Variants in PTPRD observed in about 807,000 individuals in gnomAD.
PTPRD encodes the protein protein tyrosine phosphatase receptor type D, also known as receptor-type tyrosine-protein phosphatase delta.
A neutral mutation model predicts 214.5 loss-of-function variants in PTPRD; 34 were observed. That is an observed-to-expected ratio of 0.16 (90% CI 0.12 to 0.21). The LOEUF is 0.21. Among genes scored for constraint, PTPRD ranks in the 10% least tolerant of loss-of-function variants. The probability of loss-of-function intolerance (pLI) is 1.00; values close to 1 mark genes in which losing one functional copy is unlikely to be tolerated. For missense variants in PTPRD, 2,545 were observed against 2,398.7 expected (o/e 1.06, Z -1.27); for synonymous variants, 1,128 against 845.7 (o/e 1.33, Z -5.79).
intron 9 of PTPRD, among the ~76,000 whole-genome samples, chr9:9,379,311 T>C (rs1332834213): frequency 6.6e-6 from 1 of 151,154 alleles, no homozygotes; most frequent in African/African-American, 2.4e-5. Flanking sequence ...CTCCATTGTA[T>C]TGCCTTTTCT....
intron 2 of PTPRD, among the ~76,000 whole-genome samples, chr9:10,368,715 T>A (rs1455945495): frequency 1.3e-5 from 2 of 152,052 alleles, no homozygotes; most frequent in Non-Finnish European, 2.9e-5. Flanking sequence ...TCTAGCATAA[T>A]CTTTTCTTAA....
chr9:9,738,177 C>T (rs750382865), intron 6 of PTPRD, among the ~76,000 whole-genome samples: 77 of 152,076 alleles, frequency 5.1e-4, no homozygotes, highest in Admixed American at 5.2e-4. Flanking sequence ...GGGTGAGGCA[C>T]ACCAACGTGG....
intron 8 of PTPRD, among the ~76,000 whole-genome samples, chr9:9,475,430 G>T (rs183982085): frequency 6.6e-6 from 1 of 152,260 alleles, no homozygotes; most frequent in African/African-American, 2.4e-5. Flanking sequence ...CATTAGCTGT[G>T]ACATTTTCCA....
intron 7 of PTPRD, among the ~76,000 whole-genome samples, chr9:9,710,711 G>C (rs949875843): frequency 2.0e-5 from 3 of 151,686 alleles, no homozygotes; most frequent in African/African-American, 7.3e-5. Context: ...AAGGTATGAA[G>C]TACTATACTA....
intron 5 of PTPRD, among the ~76,000 whole-genome samples, chr9:9,901,509 T>G (rs957691546): frequency 6.6e-6 from 1 of 151,982 alleles, no homozygotes; most frequent in Non-Finnish European, 1.5e-5. Context: ...ATATTAAATA[T>G]CTAAGAATTA....
At chr9:8,853,411 T>C (rs1315791155) in intron 11 of PTPRD, among the ~76,000 whole-genome samples, 3 of 152,158 alleles carry the variant, frequency 2.0e-5, no homozygotes, top group African/African-American at 4.8e-5. Flanking sequence ...AATCCATTTT[T>C]ATTTTTTTAA....
chr9:9,786,865 C>T (rs571437357), intron 5 of PTPRD, among the ~76,000 whole-genome samples: 2 of 151,992 alleles, frequency 1.3e-5, no homozygotes, highest in Admixed American at 1.3e-4. Context: ...ATAAAATTGG[C>T]TGGGCACAGT....
chr9:9,390,196 A>T (rs1035046243), intron 9 of PTPRD, among the ~76,000 whole-genome samples: 3 of 152,102 alleles, frequency 2.0e-5, no homozygotes, highest in Non-Finnish European at 4.4e-5. Context: ...AGCAAGTGAA[A>T]GAGGAAGATG....
At chr9:10,564,662 G>T (rs923558284) in intron 2 of PTPRD, among the ~76,000 whole-genome samples, 1 of 151,880 alleles carries the variant, frequency 6.6e-6, no homozygotes, top group Non-Finnish European at 1.5e-5. Flanking sequence ...CAGACTCAGG[G>T]GCTCACCAAT....
At chr9:8,627,108 A>T (rs1169582057) in intron 14 of PTPRD, among the ~76,000 whole-genome samples, 1 of 151,734 alleles carries the variant, frequency 6.6e-6, no homozygotes. Context: ...CCTCACTCTC[A>T]CAGTGTATCA....
At chr9:8,702,898 C>T (rs966739897) in intron 12 of PTPRD, among the ~76,000 whole-genome samples, 2 of 152,160 alleles carry the variant, frequency 1.3e-5, no homozygotes, top group Admixed American at 6.5e-5. Context: ...TGAGCCACTG[C>T]GCCCGGCCAT....
chr9:10,281,158 A>G (rs545317149), intron 3 of PTPRD, among the ~76,000 whole-genome samples: 1 of 152,308 alleles, frequency 6.6e-6, no homozygotes, highest in African/African-American at 2.4e-5. Context: ...TGAGTAAATA[A>G]CAAATGAAAA....
chr9:9,383,180 T>C (rs1325101002), intron 9 of PTPRD, among the ~76,000 whole-genome samples: 1 of 152,068 alleles, frequency 6.6e-6, no homozygotes, highest in Non-Finnish European at 1.5e-5. Context: ...TTTGTGCTAT[T>C]ATATAACTTT....
chr9:8,935,741 A>T (rs1462860060), intron 11 of PTPRD, among the ~76,000 whole-genome samples: 3 of 152,218 alleles, frequency 2.0e-5, no homozygotes. Flanking sequence ...GCAGAAAAAG[A>T]TATTTTTCAA....
chr9:9,323,416 G>A (rs1225644034), intron 9 of PTPRD, among the ~76,000 whole-genome samples: 1 of 152,128 alleles, frequency 6.6e-6, no homozygotes, highest in Non-Finnish European at 1.5e-5. Context: ...TTGAGAAAAT[G>A]GAGGCTTAGA....
At chr9:8,820,295 G>A (rs1215567360) in intron 11 of PTPRD, among the ~76,000 whole-genome samples, 1 of 152,124 alleles carries the variant, frequency 6.6e-6, no homozygotes, top group Non-Finnish European at 1.5e-5. Context: ...AGCTAGTTAA[G>A]TGGCAGAGCT....
chr9:10,113,194 T>A (rs1318769014), intron 3 of PTPRD, among the ~76,000 whole-genome samples: 1 of 152,248 alleles, frequency 6.6e-6, no homozygotes, highest in Non-Finnish European at 1.5e-5. Context: ...TATATATTCA[T>A]AATAACTAAA....
intron 7 of PTPRD, among the ~76,000 whole-genome samples, chr9:9,621,336 G>C (rs1257820098): frequency 6.6e-6 from 1 of 152,086 alleles, no homozygotes; most frequent in African/African-American, 2.4e-5. Flanking sequence ...GGTGCTGCTT[G>C]AACTGAAACT....
chr9:8,576,315 A>T (rs1020124786), intron 14 of PTPRD, among the ~76,000 whole-genome samples: 1 of 152,154 alleles, frequency 6.6e-6, no homozygotes, highest in Non-Finnish European at 1.5e-5. Context: ...AACTTCCTGA[A>T]ATAATTCTGC....
Sources: gnomAD v4.1 joint callset for allele counts (sites outside exome capture counted in the v4.1 genomes callset) on GRCh38, gnomAD v4.1.1 for gene constraint, MANE v1.5 for transcripts, NCBI Gene and HGNC (gene_info 2026-07-23, HGNC 2026-07-21) for gene names.